Variants in ABI3BP observed in about 807,000 individuals in gnomAD.
The protein encoded by ABI3BP is ABI family member 3 binding protein.
A neutral mutation model predicts 268.6 loss-of-function variants in ABI3BP; 216 were observed. The ratio of observed to expected loss-of-function variants is 0.80; its 90% CI spans 0.72 to 0.90. The LOEUF is 0.90. Among genes scored for constraint, ABI3BP ranks in the 40% least tolerant of loss-of-function variants. The pLI is 0.00. For missense variants in ABI3BP, 2,090 were observed against 2,182.4 expected (o/e 0.96, Z 0.84); for synonymous variants, 730 against 730.0 (o/e 1.00, Z 0.00).
chr3:100,867,104 G>A, intron 9 of ABI3BP, 148 bp from the exon 10 acceptor site: 1 of 609,598 alleles, frequency 1.6e-6, no homozygotes, highest in East Asian at 2.9e-5. Flanking sequence ...TCTCTAGCAG[G>A]AACTAATATA....
intron 9 of ABI3BP, 101 bp from the exon 10 acceptor site, chr3:100,867,057 T>A (rs1417476327): frequency 1.2e-6 from 1 of 818,104 alleles, no homozygotes; most frequent in Non-Finnish European, 2.0e-6. Context: ...AATCTCACAC[T>A]CCTTCCCCAC....
At chr3:100,850,589 G>A in intron 16 of ABI3BP, 71 bp downstream of exon 16, 2 of 1,125,580 alleles carry the variant, frequency 1.8e-6, no homozygotes, top group Non-Finnish European at 1.3e-6. Context: ...TGGTCATTTG[G>A]AAGAAAGGCA....
intron 12 of ABI3BP, 96 bp downstream of exon 12, chr3:100,863,906 G>T (rs2099024168): frequency 3.3e-6 from 3 of 895,966 alleles, no homozygotes; most frequent in Non-Finnish European, 5.3e-6. Context: ...TTAAGGGATT[G>T]GGTATAAATT....
intron 32 of ABI3BP, among the ~76,000 whole-genome samples, chr3:100,830,150 TATATATATATATATAA>T (rs1180566088): frequency 5.2e-4 from 33 of 63,514 alleles, no homozygotes; most frequent in African/African-American, 1.4e-3. Context: ...TATATATATA[TATATATATATATATAA>T]AATGCAGATA....
chr3:100,914,052 T>G (rs2057728472), intron 2 of ABI3BP, among the ~76,000 whole-genome samples: 1 of 152,164 alleles, frequency 6.6e-6, no homozygotes, highest in Non-Finnish European at 1.5e-5. Context: ...ATTAGAGGGT[T>G]GGGAAATAGC....
chr3:100,900,482 T>C lies in ABI3BP; in HGVS notation c.329-1588A>G, dbSNP rs190192622. ...GGGTCTCCTCAATCACAATCTAGTT[T>C]TATTTTTATGATATCACTGTCTTGG... On this transcript the variant is annotated intron_variant, in intron 3 of 67. Transcript: ENST00000471714. 2.0e-5 allele frequency among the ~76,000 whole-genome samples: 3 copies of C among 152,364 alleles called. No individual in the cohort carries two copies. In the East Asian group the frequency reaches 5.8e-4, roughly 29 times the overall value.
chr3:100,974,354 C>A (rs1257745955), intron 1 of ABI3BP, among the ~76,000 whole-genome samples: 1 of 152,144 alleles, frequency 6.6e-6, no homozygotes, highest in Non-Finnish European at 1.5e-5. Flanking sequence ...TTAGAAACAA[C>A]CCTACTGTTG....
At position 100,874,146 on chromosome 3, in the gene ABI3BP, C is replaced by T. The variant is rs543225688; in HGVS notation, c.910+695G>A. On this transcript the variant is annotated intron_variant, in intron 9 of 67. Transcript: ENST00000471714. ...CTTGTCAGAAATGCAAATTCTCAGG[C>T]CCCATACCGGACCTACTGAATCAGT... Among the ~76,000 whole-genome samples, 4 of 152,244 alleles carry T rather than the reference C, an allele frequency of 2.6e-5. No homozygotes were observed. In the East Asian group the frequency reaches 5.8e-4, roughly 22 times the overall value.
chr3:100,867,862 A>T (rs560286266), intron 9 of ABI3BP, among the ~76,000 whole-genome samples: 70 of 152,024 alleles, frequency 4.6e-4, no homozygotes, highest in African/African-American at 1.6e-3. Context: ...ACAAAGAATA[A>T]TTTTTTCCAT....
At chr3:100,914,030 G>A (rs1378188935) in intron 2 of ABI3BP, among the ~76,000 whole-genome samples, 4 of 151,728 alleles carry the variant, frequency 2.6e-5, no homozygotes, top group African/African-American at 9.7e-5. Context: ...CAGGCAGAAA[G>A]GAAAAAAAAT....
At chr3:100,947,225 A>G (rs1229076430) in intron 1 of ABI3BP, among the ~76,000 whole-genome samples, 1 of 152,158 alleles carries the variant, frequency 6.6e-6, no homozygotes, top group Non-Finnish European at 1.5e-5. Context: ...TTAATGTCGT[A>G]TTTGAGCTTT....
chr3:100,838,650 G>A (rs2098643743), intron 24 of ABI3BP, among the ~76,000 whole-genome samples, 186 bp from the exon 25 acceptor site: 2 of 152,066 alleles, frequency 1.3e-5, no homozygotes, highest in South Asian at 4.1e-4. Flanking sequence ...TTCCAGAAAG[G>A]AAAATTAATT....
intron 1 of ABI3BP, among the ~76,000 whole-genome samples, chr3:100,955,650 G>A (rs1454980045): frequency 3.9e-5 from 6 of 152,056 alleles, no homozygotes; most frequent in South Asian, 2.1e-4. Context: ...TACTTTACAC[G>A]TGGAATCTTT....
chr3:100,905,957 G>A (rs1258731258), intron 2 of ABI3BP, among the ~76,000 whole-genome samples: 1 of 152,070 alleles, frequency 6.6e-6, no homozygotes, highest in African/African-American at 2.4e-5. Flanking sequence ...TTTTGAACCA[G>A]GGGACCTGCA....
chr3:100,754,471 G>A (rs2128226), intron 64 of ABI3BP, 141 bp downstream of exon 64: 11,448 of 746,788 alleles, frequency 0.015, 508 homozygotes, highest in African/African-American at 0.13. Flanking sequence ...ACCTTCATCA[G>A]TTTGCTTTTT....
chr3:100,908,119 A>C (rs1241376452), intron 2 of ABI3BP, among the ~76,000 whole-genome samples: 1 of 151,764 alleles, frequency 6.6e-6, no homozygotes, highest in Non-Finnish European at 1.5e-5. Flanking sequence ...TCTGTCTAAA[A>C]AAAAAAAAAA....
chr3:100,765,966 G>GC lies in ABI3BP; in HGVS notation c.4742-18dup. ...CTTCATATTCTGTAAAGCGAAAGAA[G>GC]CCAACAGATACTTGTTTTTATTTCT... is the stretch of plus-strand genomic sequence containing the variant. On this transcript the variant is annotated splice_polypyrimidine_tract_variant and intron_variant, in intron 62 of 67. Coordinates refer to ENST00000471714, the MANE Select transcript of ABI3BP (RefSeq NM_001375547.2). 1 of 1,557,116 alleles carries GC rather than the reference G, an allele frequency of 6.4e-7. No homozygotes were observed. The highest frequency in any genetic ancestry group is 8.8e-7 in the Non-Finnish European group (1 of 1,134,586).
chr3:100,965,506 CAAA>C (rs10576624), intron 1 of ABI3BP, among the ~76,000 whole-genome samples: 7,521 of 146,688 alleles, frequency 0.051, 324 homozygotes, highest in African/African-American at 0.12. Context: ...CTGAATAAAA[CAAA>C]AAAAAAAAAA....
At chr3:100,824,804 C>T in intron 36 of ABI3BP, 54 bp downstream of exon 36, 1 of 1,442,884 alleles carries the variant, frequency 6.9e-7, no homozygotes, top group South Asian at 1.2e-5. Flanking sequence ...GCTTCAGTCC[C>T]CACTGCGACA....
Sources: gnomAD v4.1 joint callset for allele counts (sites outside exome capture counted in the v4.1 genomes callset) on GRCh38, gnomAD v4.1.1 for gene constraint, MANE v1.5 for transcripts, NCBI Gene and HGNC (gene_info 2026-07-23, HGNC 2026-07-21) for gene names.